Variants in IKBKG observed in about 807,000 individuals in gnomAD.
The protein encoded by IKBKG is inhibitor of nuclear factor kappa B kinase regulatory subunit gamma, also known as NF-kappa-B essential modulator.
Under a neutral mutation model 13.7 loss-of-function variants are expected in IKBKG, and 2 were observed. That is an observed-to-expected ratio of 0.15 (90% CI 0.06 to 0.46). The LOEUF (loss-of-function observed/expected upper bound fraction) is 0.46. Among genes scored for constraint, IKBKG ranks in the 20% least tolerant of loss-of-function variants. IKBKG has a pLI of 0.98. For missense variants in IKBKG, 53 were observed against 150.3 expected (o/e 0.35, Z 3.39); for synonymous variants, 22 against 64.4 (o/e 0.34, Z 3.15).
chrX:154,553,763 A>G (rs782412009), intron 2 of IKBKG, among the ~76,000 whole-genome samples: 1 of 112,697 alleles, frequency 8.9e-6, no homozygotes, highest in Non-Finnish European at 1.9e-5. Flanking sequence ...TTTATTGCCA[A>G]ATGACCCCTG....
In IKBKG at chrX:154,550,855, G is replaced by A. The variant is rs1255980162; in HGVS notation, c.-15-1133G>A. Among the ~76,000 whole-genome samples the A allele has an allele frequency of 5.5e-5, 6 of 109,163 alleles. No homozygotes were observed. The East Asian group carries it at 1.7e-3, about 32-fold the overall frequency. 94.8% of individuals were successfully genotyped at this position (109,163 alleles called of 115,157 possible). A position where few individuals can be genotyped will look rare whatever the true frequency, so the allele number is the denominator to read the frequency against. On this transcript the variant is annotated intron_variant, in intron 1 of 9. Coordinates refer to ENST00000594239, the MANE Select transcript of IKBKG (RefSeq NM_001099857.5). Reference sequence around the variant, plus strand: ...AGATGGAGTCTCGCTCTGTTGCCCAGGCTGGAGTGCAGTGGCGCGATCCCG... The same window carrying A: ...AGATGGAGTCTCGCTCTGTTGCCCAAGCTGGAGTGCAGTGGCGCGATCCCG...
intron 1 of IKBKG, among the ~76,000 whole-genome samples, chrX:154,548,869 A>G (rs1320246084): frequency 9.1e-6 from 1 of 110,271 alleles, no homozygotes; most frequent in African/African-American, 3.3e-5. Context: ...CTCGGCCAGT[A>G]TAGTAAATCT....
upstream of IKBKG, chrX:154,546,837 G>A (rs781784247): frequency 7.0e-6 from 8 of 1,143,929 alleles, no homozygotes; most frequent in South Asian, 2.0e-5. Flanking sequence ...CGAAGTGTAC[G>A]ACCGTTTCCG....
chrX:154,559,116 G>C (rs2071091377), intron 4 of IKBKG, among the ~76,000 whole-genome samples: 1 of 111,453 alleles, frequency 9.0e-6, no homozygotes, highest in South Asian at 3.4e-4. Context: ...CCTGCCCAGG[G>C]ATGCCCGCTA....
intron 1 of IKBKG, among the ~76,000 whole-genome samples, chrX:154,550,329 C>T (rs1220998261): frequency 9.9e-6 from 1 of 101,188 alleles, no homozygotes; most frequent in African/African-American, 3.7e-5. Context: ...AGGATGGATT[C>T]GCCATCAGCT....
At chrX:154,547,402 G>A (rs1557233892), upstream of IKBKG, 1 of 755,133 alleles carries the variant, frequency 1.3e-6, no homozygotes, top group Non-Finnish European at 1.6e-6. Flanking sequence ...AGACGCCGCC[G>A]TCCGAGAGAC....
At chrX:154,554,243 C>A (rs2071005622) in intron 2 of IKBKG, among the ~76,000 whole-genome samples, 2 of 112,157 alleles carry the variant, frequency 1.8e-5, no homozygotes, top group South Asian at 7.4e-4. Context: ...GTGTGTGACT[C>A]CACTAGTGTG....
intron 2 of IKBKG, among the ~76,000 whole-genome samples, chrX:154,552,802 A>G (rs2070970180): frequency 8.9e-6 from 1 of 112,367 alleles, no homozygotes; most frequent in Admixed American, 9.3e-5. Flanking sequence ...CTAGACTGCC[A>G]TCCGGGCGCC....
chrX:154,548,306 A>G (rs1229847005), intron 1 of IKBKG, among the ~76,000 whole-genome samples: 13 of 111,264 alleles, frequency 1.2e-4, no homozygotes, highest in Non-Finnish European at 3.8e-5. Flanking sequence ...CGTTGTAGGG[A>G]GATTGGCTTT....
At chrX:154,552,805 C>T (rs1413290121) in intron 2 of IKBKG, among the ~76,000 whole-genome samples, 6 of 112,451 alleles carry the variant, frequency 5.3e-5, no homozygotes, top group African/African-American at 1.6e-4. Context: ...GACTGCCATC[C>T]GGGCGCCCCT....
At chrX:154,542,864 C>T (rs1347246901), upstream of IKBKG, among the ~76,000 whole-genome samples, 1 of 112,233 alleles carries the variant, frequency 8.9e-6, no homozygotes, top group Admixed American at 9.4e-5. Flanking sequence ...TCTTGCTGGT[C>T]TGCTTACTTG....
At chrX:154,551,896 C>A in intron 1 of IKBKG, 92 bp from the exon 2 acceptor site, 1 of 663,786 alleles carries the variant, frequency 1.5e-6, no homozygotes, top group Non-Finnish European at 2.1e-6. Context: ...TATCAGCATT[C>A]TGTTTAAAAT....
chrX:154,563,005 T>C, intron 7 of IKBKG, 52 bp downstream of exon 7: 2 of 874,643 alleles, frequency 2.3e-6, no homozygotes, highest in Non-Finnish European at 3.1e-6. Flanking sequence ...GGAGAGTCTC[T>C]TTGGCGTCTT....
At chrX:154,547,224 A>G, upstream of IKBKG, 1 of 549,785 alleles carries the variant, frequency 1.8e-6, no homozygotes, top group African/African-American at 2.5e-5. Flanking sequence ...TTCCGCCGGC[A>G]GCGTGGCCAC....
At chrX:154,545,068 C>T (rs1266347766), upstream of IKBKG, among the ~76,000 whole-genome samples, 1 of 111,727 alleles carries the variant, frequency 9.0e-6, no homozygotes, top group East Asian at 2.8e-4. Context: ...GCCCTTGTTC[C>T]ACCAGCCCCT....
chrX:154,552,809 C>T (rs1301886397), intron 2 of IKBKG, among the ~76,000 whole-genome samples: 3 of 112,376 alleles, frequency 2.7e-5, no homozygotes, highest in Admixed American at 9.3e-5. Flanking sequence ...GCCATCCGGG[C>T]GCCCCTCACC....
At chrX:154,545,836 CAAA>C (rs781893284), upstream of IKBKG, 5,039 of 268,163 alleles carry the variant, frequency 0.019, no homozygotes, top group Middle Eastern at 0.025. Flanking sequence ...ACTCCGTCTC[CAAA>C]AAAAAAAAAA....
upstream of IKBKG, chrX:154,542,482 G>A (rs1194811711): frequency 8.7e-7 from 1 of 1,155,359 alleles, no homozygotes; most frequent in Non-Finnish European, 1.2e-6. Context: ...TTCTGGTAGG[G>A]GTGGGAGTCC....
At chrX:154,554,264 A>G (rs2071006121) in intron 2 of IKBKG, among the ~76,000 whole-genome samples, 1 of 112,637 alleles carries the variant, frequency 8.9e-6, no homozygotes, top group African/African-American at 3.2e-5. Context: ...AGACATGTCC[A>G]GAAGTGGCCA....
Sources: gnomAD v4.1 joint callset for allele counts (sites outside exome capture counted in the v4.1 genomes callset) on GRCh38, gnomAD v4.1.1 for gene constraint, MANE v1.5 for transcripts, NCBI Gene and HGNC (gene_info 2026-07-23, HGNC 2026-07-21) for gene names.